Variants in SPOCK3 observed in about 807,000 individuals in gnomAD.
SPOCK3 encodes SPARC (osteonectin), cwcv and kazal like domains proteoglycan 3, also known as testican-3.
In SPOCK3, 30 loss-of-function variants were observed where a neutral mutation model predicts 56.6. That is an observed-to-expected ratio of 0.53 (90% CI 0.40 to 0.72). The LOEUF (loss-of-function observed/expected upper bound fraction) is 0.72, where lower values mean the gene tolerates loss of function less well. Among genes scored for constraint, SPOCK3 ranks in the 30% least tolerant of loss-of-function variants. The pLI, the probability that SPOCK3 is intolerant of heterozygous loss-of-function variation, is 0.00. For missense variants in SPOCK3, 527 were observed against 530.0 expected (o/e 0.99, Z 0.06); for synonymous variants, 196 against 183.3 (o/e 1.07, Z -0.56).
chr4:166,844,990 T>C (rs1286507421), intron 6 of SPOCK3, among the ~76,000 whole-genome samples: 4 of 152,236 alleles, frequency 2.6e-5, no homozygotes, highest in Middle Eastern at 6.3e-3. Context: ...AGAATACAAA[T>C]GCATGTGCTG....
At chr4:167,179,072 A>G (rs1731226282) in intron 2 of SPOCK3, among the ~76,000 whole-genome samples, 2 of 152,194 alleles carry the variant, frequency 1.3e-5, no homozygotes, top group South Asian at 4.1e-4. Context: ...GACTTGTAAC[A>G]CTGCTATTTG....
intron 2 of SPOCK3, among the ~76,000 whole-genome samples, chr4:167,218,731 T>A (rs1735611030): frequency 2.0e-5 from 3 of 152,242 alleles, no homozygotes; most frequent in Admixed American, 1.3e-4. Flanking sequence ...TTTTAAAAAA[T>A]TTTTATCTAG....
chr4:166,874,138 T>C (rs1732815917), intron 6 of SPOCK3, among the ~76,000 whole-genome samples: 1 of 151,950 alleles, frequency 6.6e-6, no homozygotes, highest in Admixed American at 6.6e-5. Flanking sequence ...GGGGTAGAGG[T>C]TGTACAAGTT....
chr4:166,784,219 T>C (rs1740492635), intron 7 of SPOCK3, among the ~76,000 whole-genome samples: 1 of 152,154 alleles, frequency 6.6e-6, no homozygotes, highest in African/African-American at 2.4e-5. Flanking sequence ...ACCAAAAGTT[T>C]GGTTCCTAGC....
chr4:167,005,840 ATTAAT>A (rs1217981348), intron 3 of SPOCK3, among the ~76,000 whole-genome samples: 1 of 152,150 alleles, frequency 6.6e-6, no homozygotes, highest in African/African-American at 2.4e-5. Context: ...ATTAATGTAA[ATTAAT>A]TTATGATTTT....
chr4:166,991,608 C>A (rs1445861223), intron 4 of SPOCK3, among the ~76,000 whole-genome samples: 2 of 151,872 alleles, frequency 1.3e-5, no homozygotes, highest in East Asian at 3.9e-4. Context: ...GGCCTCAAGT[C>A]ACCTGCCCAC....
intron 6 of SPOCK3, among the ~76,000 whole-genome samples, chr4:166,815,864 A>T (rs909016853): frequency 1.4e-4 from 21 of 152,226 alleles, no homozygotes; most frequent in Admixed American, 3.9e-4. Flanking sequence ...TGTTTTAAAG[A>T]TGAGGAAACT....
At chr4:167,050,542 C>T (rs1754106919) in intron 3 of SPOCK3, among the ~76,000 whole-genome samples, 1 of 152,064 alleles carries the variant, frequency 6.6e-6, no homozygotes, top group South Asian at 2.1e-4. Flanking sequence ...AATTCCATTT[C>T]CAGGTATATA....
At chr4:166,916,551 G>A (rs943851665) in intron 4 of SPOCK3, among the ~76,000 whole-genome samples, 1 of 152,006 alleles carries the variant, frequency 6.6e-6, no homozygotes, top group African/African-American at 2.4e-5. Flanking sequence ...AGTTAATCAT[G>A]TTCATTTTAA....
At chr4:167,201,262 T>C (rs921368665) in intron 2 of SPOCK3, among the ~76,000 whole-genome samples, 1 of 152,076 alleles carries the variant, frequency 6.6e-6, no homozygotes, top group Non-Finnish European at 1.5e-5. Context: ...CTATGATTAC[T>C]GTACATTCTT....
intron 2 of SPOCK3, among the ~76,000 whole-genome samples, chr4:167,183,259 A>G (rs896491303): frequency 6.6e-6 from 1 of 152,186 alleles, no homozygotes; most frequent in Admixed American, 6.5e-5. Flanking sequence ...ATAATAAATG[A>G]TCATTGTTTT....
chr4:167,061,450 A>C (rs1305955682), intron 3 of SPOCK3, among the ~76,000 whole-genome samples: 1 of 152,018 alleles, frequency 6.6e-6, no homozygotes, highest in Non-Finnish European at 1.5e-5. Context: ...ATAAGAAAAA[A>C]GTTGTTTTAA....
chr4:167,136,390 C>T (rs1763125739), intron 2 of SPOCK3, among the ~76,000 whole-genome samples: 1 of 151,844 alleles, frequency 6.6e-6, no homozygotes, highest in Non-Finnish European at 1.5e-5. Context: ...GGGCTGTGTA[C>T]AACAATAACA....
chr4:166,828,802 GAAGT>G (rs1745735981), intron 6 of SPOCK3, among the ~76,000 whole-genome samples: 1 of 151,896 alleles, frequency 6.6e-6, no homozygotes, highest in Non-Finnish European at 1.5e-5. Flanking sequence ...ACATTTCAAT[GAAGT>G]AAGTATTTCT....
intron 2 of SPOCK3, among the ~76,000 whole-genome samples, chr4:167,125,209 T>TATG (rs1762169531): frequency 6.9e-6 from 1 of 144,478 alleles, no homozygotes; most frequent in Non-Finnish European, 1.5e-5. Context: ...ATTTATTTAT[T>TATG]TATTTATTTA....
At chr4:166,792,427 G>T in intron 6 of SPOCK3, 138 bp from the exon 7 acceptor site, 1 of 774,402 alleles carries the variant, frequency 1.3e-6, no homozygotes, top group Non-Finnish European at 2.0e-6. Flanking sequence ...CTTTTTCAAA[G>T]TTAAATATAT....
chr4:166,936,459 T>A (rs914753429), intron 4 of SPOCK3, among the ~76,000 whole-genome samples: 8 of 152,136 alleles, frequency 5.3e-5, no homozygotes, highest in African/African-American at 1.7e-4. Flanking sequence ...TAAATTTTTC[T>A]AGAAGTTTGT....
intron 4 of SPOCK3, among the ~76,000 whole-genome samples, chr4:166,967,379 A>G (rs1238564721): frequency 6.6e-6 from 1 of 152,156 alleles, no homozygotes; most frequent in Admixed American, 6.6e-5. Context: ...TGTGTCCACC[A>G]ACCCATATCT....
At chr4:166,872,221 A>G (rs1331731217) in intron 6 of SPOCK3, among the ~76,000 whole-genome samples, 2 of 152,120 alleles carry the variant, frequency 1.3e-5, no homozygotes, top group East Asian at 3.8e-4. Flanking sequence ...AGAATGAGTA[A>G]TAGAATATGT....
Sources: allele counts gnomAD v4.1 joint callset (sites outside exome capture counted in the v4.1 genomes callset), GRCh38; gene constraint gnomAD v4.1.1; transcripts MANE v1.5; gene names NCBI Gene and HGNC (gene_info 2026-07-23, HGNC 2026-07-21).